The following PTPRT variants were observed in gnomAD, a reference collection of about 807,000 sequenced individuals.
PTPRT encodes receptor-type tyrosine-protein phosphatase T.
PTPRT carries 56 observed loss-of-function variants against 176.8 expected under a neutral mutation model. The observed-to-expected ratio is 0.32, with a 90% confidence interval of 0.26 to 0.40. The LOEUF is 0.40. PTPRT is among the 10% of genes least tolerant of loss of function. The probability of loss-of-function intolerance (pLI) is 1.00; values close to 1 mark genes in which losing one functional copy is unlikely to be tolerated. For synonymous variants in PTPRT, 783 were observed against 739.0 expected (o/e 1.06, Z -0.96); for missense variants, 1,540 against 1,908.2 (o/e 0.81, Z 3.60).
chr20:42,074,576 TA>T lies in PTPRT; in HGVS notation c.*6302del. The T allele has an allele frequency of 5.1e-6, 2 of 391,010 alleles. No individual in the cohort carries two copies. Among genetic ancestry groups the T allele is most frequent in the Non-Finnish European group, 9.0e-6 (2 of 221,842 alleles). The allele number at this position is 391,010 out of a possible 1,614,324, so 24.2% of individuals were successfully genotyped here. ...GGAAGCCCCATAATGATCAAGCCCC[TA>T]AAACTCTTCCCAATAGATTTTCTTT... On this transcript the variant is annotated 3_prime_UTR_variant, in exon 31 of 31. Coordinates refer to ENST00000373187, the MANE Select transcript of PTPRT (RefSeq NM_007050.6).
intron 2 of PTPRT, among the ~76,000 whole-genome samples, chr20:42,867,390 ATTTTTT>A (rs761289845): frequency 2.0e-5 from 2 of 102,174 alleles, no homozygotes; most frequent in African/African-American, 4.1e-5. Context: ...AAGAACACAG[ATTTTTT>A]TTTTTTTTTT....
At chr20:43,017,648 G>A (rs549239572) in intron 1 of PTPRT, among the ~76,000 whole-genome samples, 82 of 152,324 alleles carry the variant, frequency 5.4e-4, no homozygotes, top group African/African-American at 1.8e-3. Flanking sequence ...AAGGACAGAC[G>A]AGCTTCCTCC....
intron 1 of PTPRT, among the ~76,000 whole-genome samples, chr20:42,907,242 G>A (rs1429274727): frequency 3.9e-5 from 6 of 152,156 alleles, no homozygotes; most frequent in Admixed American, 3.9e-4. Context: ...GAGACAAAGA[G>A]ATGCAGCCCT....
At chr20:42,145,497 C>CATAGATAGATAGATAGATAGATAG (rs59838948) in intron 17 of PTPRT, among the ~76,000 whole-genome samples, 28 of 144,442 alleles carry the variant, frequency 1.9e-4, no homozygotes, top group Admixed American at 1.2e-3. Context: ...GACTTTGTCT[C>CATAGATAGATAGATAGATAGATAG]ATAGATAGAT....
At chr20:43,153,699 CT>C (rs2146426101) in intron 1 of PTPRT, among the ~76,000 whole-genome samples, 1 of 152,256 alleles carries the variant, frequency 6.6e-6, no homozygotes, top group Non-Finnish European at 1.5e-5. Flanking sequence ...AGGTCGCATG[CT>C]ACCATGCCAC....
chr20:42,361,545 A>G (rs2145564630), intron 9 of PTPRT, among the ~76,000 whole-genome samples: 1 of 152,260 alleles, frequency 6.6e-6, no homozygotes, highest in Middle Eastern at 3.4e-3. Context: ...TCTTATGTCT[A>G]CAGTGTCTAA....
At chr20:43,012,852 A>G (rs1985196078) in intron 1 of PTPRT, among the ~76,000 whole-genome samples, 1 of 152,084 alleles carries the variant, frequency 6.6e-6, no homozygotes, top group South Asian at 2.1e-4. Context: ...TCTTGCCTCC[A>G]GGTGGAACTG....
intron 1 of PTPRT, among the ~76,000 whole-genome samples, chr20:43,160,776 G>A (rs961543536): frequency 6.6e-6 from 1 of 151,874 alleles, no homozygotes; most frequent in African/African-American, 2.4e-5. Flanking sequence ...TGAAATGAGG[G>A]GTAACACCCA....
chr20:42,549,769 C>T (rs943272213), intron 7 of PTPRT, among the ~76,000 whole-genome samples: 2 of 152,244 alleles, frequency 1.3e-5, no homozygotes. Context: ...TCTCTAGTAG[C>T]CAGCTGCGAC....
At chr20:42,054,181 C>G in the PTPRT span, among the ~76,000 whole-genome samples, 1 of 152,200 alleles carries the variant, frequency 6.6e-6, no homozygotes, top group Non-Finnish European at 1.5e-5. Context: ...CAACAAGGCC[C>G]TACTATCTTG....
At chr20:42,963,591 G>C (rs1982127277) in intron 1 of PTPRT, among the ~76,000 whole-genome samples, 1 of 148,526 alleles carries the variant, frequency 6.7e-6, no homozygotes, top group Non-Finnish European at 1.5e-5. Flanking sequence ...GCTATAAATA[G>C]TTCTTTGTAA....
At chr20:42,844,589 G>A (rs1285023609) in intron 2 of PTPRT, among the ~76,000 whole-genome samples, 1 of 152,064 alleles carries the variant, frequency 6.6e-6, no homozygotes, top group Non-Finnish European at 1.5e-5. Context: ...CCCTGGCTGG[G>A]GCTCTCAGAG....
At chr20:43,109,307 C>T (rs1414096471) in intron 1 of PTPRT, among the ~76,000 whole-genome samples, 3 of 152,142 alleles carry the variant, frequency 2.0e-5, no homozygotes, top group Non-Finnish European at 2.9e-5. Context: ...AGGGCTGAGT[C>T]CTCTTGCTGA....
At chr20:42,208,977 TC>T (rs2055546577) in intron 15 of PTPRT, among the ~76,000 whole-genome samples, 1 of 152,130 alleles carries the variant, frequency 6.6e-6, no homozygotes, top group Admixed American at 6.5e-5. Context: ...AAACTAGAAC[TC>T]AGGATTAAGA....
intron 1 of PTPRT, among the ~76,000 whole-genome samples, chr20:42,944,305 G>A (rs1980748027): frequency 6.6e-6 from 1 of 152,154 alleles, no homozygotes; most frequent in Non-Finnish European, 1.5e-5. Context: ...GCTTCCACAT[G>A]GAGAGGAATA....
At chr20:42,498,283 A>G (rs62205770) in intron 7 of PTPRT, among the ~76,000 whole-genome samples, 3,938 of 152,204 alleles carry the variant, frequency 0.026, 95 homozygotes, top group South Asian at 0.099. Flanking sequence ...ACCTGAAAAT[A>G]AACTAGTTCA....
At chr20:42,901,952 G>C (rs924881220) in intron 1 of PTPRT, among the ~76,000 whole-genome samples, 1 of 152,300 alleles carries the variant, frequency 6.6e-6, no homozygotes, top group Non-Finnish European at 1.5e-5. Flanking sequence ...CAGCAGAGTT[G>C]AGTAGCTGTG....
intron 12 of PTPRT, among the ~76,000 whole-genome samples, chr20:42,307,240 T>C (rs988750301): frequency 6.6e-6 from 1 of 152,242 alleles, no homozygotes; most frequent in Non-Finnish European, 1.5e-5. Context: ...CCACTTTGTA[T>C]GGAAACTTGT....
At chr20:42,458,369 T>G (rs1192747395) in intron 8 of PTPRT, among the ~76,000 whole-genome samples, 1 of 152,226 alleles carries the variant, frequency 6.6e-6, no homozygotes, top group Non-Finnish European at 1.5e-5. Flanking sequence ...GTTTATGTCC[T>G]GTTCCCACCA....
Sources: gnomAD v4.1 joint callset for allele counts (sites outside exome capture counted in the v4.1 genomes callset) on GRCh38, gnomAD v4.1.1 for gene constraint, MANE v1.5 for transcripts, NCBI Gene and HGNC (gene_info 2026-07-23, HGNC 2026-07-21) for gene names.